Variants in TBC1D2B observed in about 807,000 individuals in gnomAD.
TBC1D2B encodes TBC1 domain family, member 2B.
In TBC1D2B, 64 loss-of-function variants were observed where a neutral mutation model predicts 100.8. The observed-to-expected ratio is 0.64, with a 90% CI of 0.52 to 0.78. The LOEUF is 0.78. Among genes scored for constraint, TBC1D2B ranks in the 30% least tolerant of loss-of-function variants. The pLI, the probability that TBC1D2B is intolerant of heterozygous loss-of-function variation, is 0.00. For missense variants in TBC1D2B, 1,052 were observed against 1,218.4 expected, an observed-to-expected ratio of 0.86 and a Z score of 2.03; for synonymous variants, 480 against 479.7, an observed-to-expected ratio of 1.00 and a Z score of -0.01.
chr15:78,001,614 C>G lies in TBC1D2B; in HGVS notation c.2696+5G>C. ...CTTGACATCTGAGAACTCCCCAGGACTCACCTAGCATCAAGGATAGTGCGA... is the reference window on the plus strand; with the variant it reads ...CTTGACATCTGAGAACTCCCCAGGAGTCACCTAGCATCAAGGATAGTGCGA... On this transcript the variant is annotated splice_donor_5th_base_variant and intron_variant, in intron 12 of 12. Transcript: ENST00000300584. 6.2e-7 allele frequency: 1 copy of G among 1,607,710 alleles called. No individual in the cohort carries two copies. The highest frequency in any genetic ancestry group is 8.5e-7 in the Non-Finnish European group (1 of 1,177,092).
At chr15:78,003,056 A>C (rs2071958532) in intron 11 of TBC1D2B, 1 of 377,210 alleles carries the variant, frequency 2.7e-6, no homozygotes, top group Non-Finnish European at 5.0e-6. Context: ...GCTCAGGCTC[A>C]AACTGTAAGC....
Position 78,054,177 on chromosome 15 carries a change from C to T in TBC1D2B, c.371G>A (p.Arg124His), listed in dbSNP as rs375276991. ...CTGTAACCAGTAAGTCATGAGTTGA[C>T]GATTGGGAGCCTAGAAAGAGGGAGG... ...GAVTVLKAPNRQLMTYWLQEL... is the reference protein window; with the variant it reads ...GAVTVLKAPNHQLMTYWLQEL... Residue 124 changes from arginine (R) to histidine (H), a missense_variant, in exon 2 of 13, where the codon CGT (arginine) becomes CAT (histidine). Transcript: ENST00000300584. 1.1e-4 allele frequency: 179 copies of T among 1,608,354 alleles called. No individual in the cohort carries two copies. The East Asian group carries it at 1.9e-3, about 17-fold the overall frequency.
chr15:78,015,260 A>T (rs1221981585), intron 8 of TBC1D2B, among the ~76,000 whole-genome samples: 1 of 152,168 alleles, frequency 6.6e-6, no homozygotes, highest in Non-Finnish European at 1.5e-5. Flanking sequence ...CCAGAAAAAA[A>T]CTGTGGGGAG....
At chr15:78,027,220 G>T (rs886854045) in intron 4 of TBC1D2B, among the ~76,000 whole-genome samples, 1 of 152,164 alleles carries the variant, frequency 6.6e-6, no homozygotes, top group African/African-American at 2.4e-5. Flanking sequence ...TCAGTACAGT[G>T]GTTCCCTGGG....
Position 78,030,007 on chromosome 15 carries a change from CT to C in TBC1D2B, c.846del (p.Gly283GlufsTer2). 1 of 1,605,134 alleles carries C rather than the reference CT, an allele frequency of 6.2e-7. No homozygotes were observed. Among genetic ancestry groups the C allele is most frequent in the Non-Finnish European group, 8.5e-7 (1 of 1,176,854 alleles). On this transcript the variant is annotated frameshift_variant and splice_region_variant, in exon 4 of 13. Transcript: ENST00000300584. LOFTEE classifies it high-confidence loss of function. The part of the protein sequence containing the change: ...EKKKLTPEGN[K>X]GVTGSGFPFD... ...CAGACAACAGGAAGTACATTGATAC[CT>C]TTGTTTCCTTCAGGGGTCAGCTTCT...
chr15:78,068,422 G>C (rs968353537), intron 1 of TBC1D2B, among the ~76,000 whole-genome samples: 5 of 93,974 alleles, frequency 5.3e-5, no homozygotes, highest in South Asian at 6.2e-4. Flanking sequence ...CACACACACA[G>C]AGGATATGAG....
chr15:78,031,562 A>AAAAAAAAAAC (rs2072812988), intron 3 of TBC1D2B, among the ~76,000 whole-genome samples: 1 of 148,246 alleles, frequency 6.7e-6, no homozygotes, highest in Non-Finnish European at 1.5e-5. Flanking sequence ...TCCAAAAAAA[A>AAAAAAAAAAC]AAAAAAAAAA....
At chr15:78,003,079 C>A in intron 11 of TBC1D2B, 1 of 469,902 alleles carries the variant, frequency 2.1e-6, no homozygotes, top group Non-Finnish European at 3.9e-6. Flanking sequence ...TAGCTCCCAG[C>A]GCCTATCACA....
intron 1 of TBC1D2B, among the ~76,000 whole-genome samples, chr15:78,058,601 G>A (rs1402285470): frequency 6.6e-6 from 1 of 152,214 alleles, no homozygotes; most frequent in Non-Finnish European, 1.5e-5. Context: ...CCTCCGCTGA[G>A]CCTCAGCTCA....
At chr15:78,073,527 C>A in intron 1 of TBC1D2B, among the ~76,000 whole-genome samples, 1 of 151,962 alleles carries the variant, frequency 6.6e-6, no homozygotes, top group African/African-American at 2.4e-5. Flanking sequence ...GCTGGGCAGC[C>A]CTAAAGTGAA....
chr15:78,047,722 G>A (rs2073227263), intron 2 of TBC1D2B, among the ~76,000 whole-genome samples: 1 of 152,212 alleles, frequency 6.6e-6, no homozygotes, highest in Non-Finnish European at 1.5e-5. Context: ...GCCAGGGCCA[G>A]AACCCAGACA....
At chr15:78,017,646 T>A (rs1344871279) in intron 7 of TBC1D2B, among the ~76,000 whole-genome samples, 1 of 152,230 alleles carries the variant, frequency 6.6e-6, no homozygotes, top group African/African-American at 2.4e-5. Context: ...TCTCACGGCA[T>A]TTATCTGTCT....
chr15:78,055,821 C>G (rs904484837), intron 1 of TBC1D2B, among the ~76,000 whole-genome samples: 10 of 152,240 alleles, frequency 6.6e-5, no homozygotes, highest in African/African-American at 1.7e-4. Flanking sequence ...GACCTGGGGC[C>G]TGGCCTAGTG....
intron 2 of TBC1D2B, 72 bp downstream of exon 2, chr15:78,053,962 T>G: frequency 6.9e-7 from 1 of 1,444,046 alleles, no homozygotes; most frequent in Non-Finnish European, 9.3e-7. Context: ...TTTCATTCAC[T>G]GCTAAGTTCA....
chr15:78,012,527 C>G (rs1368312291), intron 9 of TBC1D2B, among the ~76,000 whole-genome samples: 1 of 152,164 alleles, frequency 6.6e-6, no homozygotes, highest in Non-Finnish European at 1.5e-5. Flanking sequence ...CTAATAAAAT[C>G]AAACTTCTGA....
chr15:78,041,408 A>T (rs2073092585), intron 3 of TBC1D2B, among the ~76,000 whole-genome samples: 1 of 152,240 alleles, frequency 6.6e-6, no homozygotes, highest in African/African-American at 2.4e-5. Context: ...GGTCTCATGC[A>T]GTCAGTCAGT....
chr15:78,057,050 G>T lies in TBC1D2B; in HGVS notation c.361-2863C>A, dbSNP rs568601684. Among the ~76,000 whole-genome samples, 361 of 152,222 alleles carry T rather than the reference G, an allele frequency of 2.4e-3. 1 individual carries two copies. The highest frequency in any genetic ancestry group is 8.2e-3 in the African/African-American group (341 of 41,518). On this transcript the variant is annotated intron_variant, in intron 1 of 12. Coordinates refer to ENST00000300584, the MANE Select transcript of TBC1D2B (RefSeq NM_144572.2). ...AGAGAAGCTGGCACATACTCACTAG[G>T]GCATATCTGAACCAACCTCTCCAGC...
chr15:78,032,289 GTATCCC>G (rs920907569), intron 3 of TBC1D2B, among the ~76,000 whole-genome samples: 4 of 152,124 alleles, frequency 2.6e-5, no homozygotes, highest in African/African-American at 9.7e-5. Context: ...GCTACTGATG[GTATCCC>G]TAAAGCCTGT....
intron 1 of TBC1D2B, among the ~76,000 whole-genome samples, chr15:78,067,984 AT>A (rs907975030): frequency 2.0e-5 from 3 of 152,240 alleles, no homozygotes; most frequent in Non-Finnish European, 4.4e-5. Context: ...CACCAAAATT[AT>A]TACACAAATC....
Sources: gnomAD v4.1 joint callset for allele counts (sites outside exome capture counted in the v4.1 genomes callset) on GRCh38, gnomAD v4.1.1 for gene constraint, MANE v1.5 for transcripts, NCBI Gene and HGNC (gene_info 2026-07-23, HGNC 2026-07-21) for gene names.